TDRD10: variants seen among roughly 807,000 people sequenced by gnomAD.
TDRD10 encodes the protein tudor domain-containing protein 10.
TDRD10 carries 40 observed loss-of-function variants against 48.0 expected under a neutral mutation model. That is an observed-to-expected ratio of 0.83 (90% CI 0.65 to 1.09). The LOEUF is 1.09. TDRD10 is among the 50% of genes least tolerant of loss of function. The probability of loss-of-function intolerance (pLI) is 0.00; values close to 1 mark genes in which losing one functional copy is unlikely to be tolerated. For missense variants in TDRD10, 378 were observed against 434.7 expected (o/e 0.87, Z 1.16); for synonymous variants, 162 against 170.4 (o/e 0.95, Z 0.38).
chr1:154,528,948 C>T (rs545199083), intron 6 of TDRD10, among the ~76,000 whole-genome samples: 2 of 152,126 alleles, frequency 1.3e-5, no homozygotes, highest in Non-Finnish European at 1.5e-5. Context: ...AACTTATAGC[C>T]TACTCTTGTT....
At chr1:154,511,459 C>T (rs1436198223) in intron 4 of TDRD10, among the ~76,000 whole-genome samples, 1 of 151,578 alleles carries the variant, frequency 6.6e-6, no homozygotes, top group Non-Finnish European at 1.5e-5. Flanking sequence ...CATGGTGAAA[C>T]TAATAATACT....
Position 154,547,602 on chromosome 1 carries a change from C to G in TDRD10, c.1024-76C>G, listed in dbSNP as rs184216171. ...CTGGCATTCTTTTAGATCAAACGAA[C>G]TGGTTATCTGAGGGGTTGGGTGAAC... On this transcript the variant is annotated intron_variant, in intron 12 of 12. Transcript: ENST00000368482. 3.1e-6 allele frequency: 5 copies of G among 1,614,190 alleles called. No homozygotes were observed. The South Asian group carries it at 5.5e-5, about 18-fold the overall frequency.
At chr1:154,542,883 A>T in intron 8 of TDRD10, 62 bp downstream of exon 8, 1 of 1,390,910 alleles carries the variant, frequency 7.2e-7, no homozygotes, top group South Asian at 1.2e-5. Flanking sequence ...TCTGTCCCCC[A>T]GAGAGTGGGG....
intron 6 of TDRD10, 49 bp from the exon 7 acceptor site, chr1:154,541,975 A>G: frequency 6.3e-7 from 1 of 1,598,918 alleles, no homozygotes; most frequent in Non-Finnish European, 8.6e-7. Context: ...AGAAATCAAT[A>G]AAACAAATGC....
intron 4 of TDRD10, chr1:154,509,905 C>T (rs924257569): frequency 2.0e-6 from 2 of 977,094 alleles, no homozygotes; most frequent in Non-Finnish European, 2.4e-6. Flanking sequence ...CCTCTCTCTT[C>T]CCCCCTCCCC....
intron 4 of TDRD10, among the ~76,000 whole-genome samples, chr1:154,513,938 C>T (rs1479097066): frequency 6.6e-6 from 1 of 152,176 alleles, no homozygotes; most frequent in Non-Finnish European, 1.5e-5. Flanking sequence ...GCCTGTAATC[C>T]TAGCAGTTTG....
intron 1 of TDRD10, among the ~76,000 whole-genome samples, chr1:154,504,763 T>A (rs1259067222): frequency 6.6e-6 from 1 of 152,162 alleles, no homozygotes; most frequent in Non-Finnish European, 1.5e-5. Flanking sequence ...CCTTATGTAT[T>A]CTTTAGGTCT....
At chr1:154,524,655 T>C (rs1261637011) in intron 6 of TDRD10, among the ~76,000 whole-genome samples, 2 of 152,158 alleles carry the variant, frequency 1.3e-5, no homozygotes, top group Non-Finnish European at 2.9e-5. Context: ...TTGTGAGTCT[T>C]TTTCTTGGGT....
chr1:154,533,893 A>AT (rs201435535), intron 6 of TDRD10, among the ~76,000 whole-genome samples: 17 of 103,552 alleles, frequency 1.6e-4, no homozygotes, highest in South Asian at 3.0e-4. Context: ...ATATATATAT[A>AT]TTTTTTTTTA....
intron 6 of TDRD10, among the ~76,000 whole-genome samples, chr1:154,526,906 T>G (rs1694350379): frequency 6.6e-6 from 1 of 151,056 alleles, no homozygotes; most frequent in East Asian, 1.9e-4. Flanking sequence ...TTTTTTTATT[T>G]TTTTATTATT....
chr1:154,508,461 C>T lies in TDRD10; in HGVS notation c.121C>T (p.Leu41Phe). 6.2e-7 allele frequency: 1 copy of T among 1,609,508 alleles called. No individual in the cohort carries two copies. The highest frequency in any genetic ancestry group is 8.5e-7 in the Non-Finnish European group (1 of 1,175,796). ...KRETEVYVGN[L>F]PLDISKEEIL... ...AGAGACAGAGGTGTATGTTGGCAAT[C>T]TTCCACTGGATATTTCTAAGGTATT... Residue 41 changes from leucine (L) to phenylalanine (F), a missense_variant, in exon 4 of 13, where the codon CTT (leucine) becomes TTT (phenylalanine). Leu to Phe is a conservative substitution (Grantham distance 22). This residue lies in a region of TDRD10 where 310 missense variants were observed against 323.6 expected (regional missense o/e 0.96). Transcript: ENST00000368482.
intron 4 of TDRD10, among the ~76,000 whole-genome samples, chr1:154,520,027 C>T (rs1693975335): frequency 6.6e-6 from 1 of 152,236 alleles, no homozygotes; most frequent in Non-Finnish European, 1.5e-5. Flanking sequence ...AAATGACAGG[C>T]CGTGTGCGCC....
chr1:154,507,115 A>C, intron 2 of TDRD10, 126 bp from the exon 3 acceptor site: 1 of 1,533,734 alleles, frequency 6.5e-7, no homozygotes, highest in Non-Finnish European at 8.8e-7. Context: ...TGGGAGGAGG[A>C]AGGGAAGCCT....
intron 1 of TDRD10, among the ~76,000 whole-genome samples, chr1:154,505,234 T>A (rs1183667522): frequency 1.3e-5 from 2 of 152,224 alleles, no homozygotes; most frequent in Non-Finnish European, 2.9e-5. Flanking sequence ...CTCTTAGAGT[T>A]TGAGTGAGGA....
In TDRD10 at chr1:154,547,897, C is replaced by T. The variant is rs942043468; in HGVS notation, c.*187C>T. ...CAAAAGAGAGTGAAGTCTCATTTGT[C>T]ATGTGTCTTCAGTTCCCCAACTTGG... On this transcript the variant is annotated 3_prime_UTR_variant, in exon 13 of 13. Coordinates refer to ENST00000368482, the MANE Select transcript of TDRD10 (RefSeq NM_182499.4). 11 of 652,276 alleles carry T rather than the reference C, an allele frequency of 1.7e-5. No individual in the cohort carries two copies. Among genetic ancestry groups the T allele is most frequent in the East Asian group, 1.6e-4 (6 of 36,672 alleles). 40.4% of individuals were successfully genotyped at this position (652,276 alleles called of 1,614,324 possible). A position where few individuals can be genotyped will look rare whatever the true frequency, so the allele number is the denominator to read the frequency against.
chr1:154,522,649 GA>G (rs1209827901), intron 6 of TDRD10, among the ~76,000 whole-genome samples: 1 of 150,174 alleles, frequency 6.7e-6, no homozygotes. Context: ...CTATAAACAG[GA>G]AAAAAAAAGA....
intron 4 of TDRD10, among the ~76,000 whole-genome samples, chr1:154,513,800 C>T (rs1420048037): frequency 6.6e-6 from 1 of 152,188 alleles, no homozygotes; most frequent in Non-Finnish European, 1.5e-5. Flanking sequence ...CATAAAGCAG[C>T]AGCACTCTTG....
intron 6 of TDRD10, among the ~76,000 whole-genome samples, chr1:154,539,272 C>T (rs937676160): frequency 6.6e-6 from 1 of 152,058 alleles, no homozygotes; most frequent in Non-Finnish European, 1.5e-5. Flanking sequence ...AGAATTTGCC[C>T]TAGGTCATTT....
chr1:154,516,122 TAATA>T (rs1557817766), intron 4 of TDRD10, among the ~76,000 whole-genome samples: 1 of 152,204 alleles, frequency 6.6e-6, no homozygotes, highest in Non-Finnish European at 1.5e-5. Context: ...AGTGGGCACC[TAATA>T]AGTATCTATT....
Sources: gnomAD v4.1 joint callset for allele counts (sites outside exome capture counted in the v4.1 genomes callset) on GRCh38, gnomAD v4.1.1 for gene constraint, gnomAD v4.1.1 regional missense constraint, MANE v1.5 for transcripts, NCBI Gene and HGNC (gene_info 2026-07-23, HGNC 2026-07-21) for gene names.